The following NPY5R variants were observed in gnomAD, a reference collection of about 807,000 sequenced individuals.
NPY5R encodes neuropeptide Y receptor Y5.
NPY5R carries 21 observed loss-of-function variants against 24.8 expected under a neutral mutation model. That is an observed-to-expected ratio of 0.85 (90% CI 0.60 to 1.22). The LOEUF (loss-of-function observed/expected upper bound fraction) is 1.22, where lower values mean the gene tolerates loss of function less well. Among genes scored for constraint, NPY5R ranks in the 50% most tolerant of loss-of-function variants. The probability of loss-of-function intolerance (pLI) is 0.00; values close to 1 mark genes in which losing one functional copy is unlikely to be tolerated. For missense variants in NPY5R, 481 were observed against 521.3 expected (o/e 0.92, Z 0.75); for synonymous variants, 175 against 183.0 (o/e 0.96, Z 0.35).
Position 163,345,998 on chromosome 4 carries a change from C to T in NPY5R, c.-81+245C>T, listed in dbSNP as rs186831923. On this transcript the variant is annotated intron_variant, in intron 2 of 3. Coordinates refer to ENST00000338566, the MANE Select transcript of NPY5R (RefSeq NM_006174.4). ...TAGTCGTAAGAAGAAATTCTTCCTT[C>T]ATTGGAGCAAAGATTCACAGAATGT... is the stretch of plus-strand genomic sequence containing the variant. 5.0e-3 allele frequency among the ~76,000 whole-genome samples: 660 copies of T among 133,126 alleles called. 2 individuals are homozygous for T. The highest frequency in any genetic ancestry group is 0.014 in the Middle Eastern group (3 of 214). 87.3% of individuals were successfully genotyped at this position (133,126 alleles called of 152,430 possible).
chr4:163,345,829 A>G (rs991527858), intron 2 of NPY5R, 76 bp downstream of exon 2: 5 of 152,134 alleles, frequency 3.3e-5, no homozygotes, highest in Middle Eastern at 3.4e-3. Flanking sequence ...TTAGATTTTC[A>G]ACTTAAATCT....
At chr4:163,349,253 T>G in intron 3 of NPY5R, 1 of 588,142 alleles carries the variant, frequency 1.7e-6, no homozygotes, top group Non-Finnish European at 2.1e-6. Flanking sequence ...TAGAGTTTTG[T>G]TTGAACGTTT....
downstream of NPY5R, among the ~76,000 whole-genome samples, chr4:163,352,142 C>T (rs755818244): frequency 9.9e-5 from 15 of 152,110 alleles, no homozygotes; most frequent in Non-Finnish European, 1.8e-4. Flanking sequence ...TGATTATAAT[C>T]TTCAACATTA....
chr4:163,345,355 T>C (rs1735187497), intron 1 of NPY5R: 1 of 152,188 alleles, frequency 6.6e-6, no homozygotes, highest in Non-Finnish European at 1.5e-5. Context: ...TAAAAAGATA[T>C]TATTTTTTAT....
chr4:163,351,051 C>T lies in NPY5R; in HGVS notation c.778C>T (p.His260Tyr). The T allele has an allele frequency of 6.2e-7, 1 of 1,613,952 alleles. No individual in the cohort carries two copies. Among genetic ancestry groups the T allele is most frequent in the Non-Finnish European group, 8.5e-7 (1 of 1,179,814 alleles). Residue 260 changes from histidine to tyrosine, a missense_variant, in exon 4 of 4, where the codon CAT becomes TAT. By Grantham distance (83) the His-to-Tyr change is moderately conservative (BLOSUM62 2). Coordinates refer to ENST00000338566, the MANE Select transcript of NPY5R (RefSeq NM_006174.4). ...EENEMINLTL[H>Y]PSKKSGPQVK... The stretch of plus-strand genomic sequence containing the variant: ...AAATGAGATGATCAACTTAACTCTT[C>T]ATCCATCCAAAAAGAGTGGGCCTCA...
intron 2 of NPY5R, among the ~76,000 whole-genome samples, chr4:163,346,979 C>A (rs943754840): frequency 6.6e-6 from 1 of 151,996 alleles, no homozygotes; most frequent in Admixed American, 6.6e-5. Flanking sequence ...CAATGGTTCT[C>A]TATAAATGTA....
At chr4:163,349,001 G>A (rs984742762) in intron 3 of NPY5R, among the ~76,000 whole-genome samples, 2 of 135,776 alleles carry the variant, frequency 1.5e-5, no homozygotes, top group South Asian at 2.6e-4. Flanking sequence ...TTTTTAAAAC[G>A]CCAACAGCCT....
chr4:163,344,005 G>A lies in NPY5R; in HGVS notation c.-121+5G>A, dbSNP rs1735092300. On this transcript the variant is annotated splice_donor_5th_base_variant and intron_variant, in intron 1 of 3. Transcript: ENST00000338566. ...CAGCGGCCGGGGCGCCCCGAGGTAC[G>A]GGCTCCCGCCCCTCCCTGCCAACCC... is the stretch of plus-strand genomic sequence containing the variant. 1 of 152,614 alleles carries A rather than the reference G, an allele frequency of 6.6e-6. No homozygotes were observed. Among genetic ancestry groups the A allele is most frequent in the African/African-American group, 2.4e-5 (1 of 41,562 alleles). The allele number at this position is 152,614 out of a possible 1,614,324, so 9.5% of individuals were successfully genotyped here.
In NPY5R at chr4:163,350,262, C is replaced by A; in HGVS notation, c.-9-3C>A. ...CTGACAAATGTCTTTTTATTCCAAG[C>A]AGGACTATAATATGGATTTAGAGCT... is the stretch of plus-strand genomic sequence containing the variant. On this transcript the variant is annotated splice_polypyrimidine_tract_variant and splice_region_variant and intron_variant, in intron 3 of 3. Coordinates refer to ENST00000338566, the MANE Select transcript of NPY5R (RefSeq NM_006174.4). The A allele has an allele frequency of 6.6e-7, 1 of 1,519,792 alleles. No homozygotes were observed. The allele number at this position is 1,519,792 out of a possible 1,614,324, so 94.1% of individuals were successfully genotyped here. A position where few individuals can be genotyped will look rare whatever the true frequency, so the allele number is the denominator to read the frequency against.
chr4:163,344,688 AT>A (rs1223759176), intron 1 of NPY5R: 1 of 152,252 alleles, frequency 6.6e-6, no homozygotes, highest in Non-Finnish European at 1.5e-5. Context: ...AGAAACGGGA[AT>A]TCTTTTTTCC....
At chr4:163,350,101 CTCAA>C (rs1165374369) in intron 3 of NPY5R, 160 bp from the exon 4 acceptor site, 1 of 286,976 alleles carries the variant, frequency 3.5e-6, no homozygotes, top group African/African-American at 6.9e-5. Flanking sequence ...GAGACTCCGT[CTCAA>C]AAAAAAAAAA....
At chr4:163,344,082 G>T (rs1025430081) in intron 1 of NPY5R, 82 bp downstream of exon 1, 2 of 152,414 alleles carry the variant, frequency 1.3e-5, no homozygotes. Context: ...TCCCCGCGCG[G>T]GCTGCGAGTC....
intron 1 of NPY5R, chr4:163,345,204 T>C (rs895297844): frequency 1.3e-5 from 2 of 152,222 alleles, no homozygotes; most frequent in Non-Finnish European, 2.9e-5. Flanking sequence ...AGACTTTTAA[T>C]ATCCTTTGAA....
Position 163,350,301 on chromosome 4 carries a change from A to C in NPY5R, c.28A>C (p.Asn10His). MDLELDEYYNKTLATENNTA... is the reference protein window; with the variant it reads MDLELDEYYHKTLATENNTA... Reference sequence around the variant, plus strand: ...GGATTTAGAGCTCGACGAGTATTATAACAAGACACTTGCCACAGAGAATAA... The same window carrying C: ...GGATTTAGAGCTCGACGAGTATTATCACAAGACACTTGCCACAGAGAATAA... Residue 10 changes from asparagine (N) to histidine (H), a missense_variant, in exon 4 of 4, where the codon AAC becomes CAC. Asn to His is a moderately conservative substitution (Grantham distance 68). Coordinates refer to ENST00000338566, the MANE Select transcript of NPY5R (RefSeq NM_006174.4). 1.3e-6 allele frequency: 2 copies of C among 1,589,602 alleles called. No homozygotes were observed. The highest frequency in any genetic ancestry group is 1.7e-6 in the Non-Finnish European group (2 of 1,165,392).
chr4:163,351,219 T>C lies in NPY5R; in HGVS notation c.946T>C (p.Phe316Leu). The change falls in exon 4 of 4, where the codon TTT becomes CTT. Residue 316 changes from phenylalanine (F) to leucine (L), a missense_variant. Physicochemically the swap from Phe to Leu is conservative, Grantham distance 22 (BLOSUM62 0). Transcript: ENST00000338566. ...ENHSRILPEN[F>L]GSVRSQLSSS... ...CCACTCCAGAATACTTCCAGAAAAC[T>C]TTGGCTCTGTAAGAAGTCAGCTCTC... is the stretch of plus-strand genomic sequence containing the variant. 6.2e-7 allele frequency: 1 copy of C among 1,614,124 alleles called. No individual in the cohort carries two copies. The highest frequency in any genetic ancestry group is 8.5e-7 in the Non-Finnish European group (1 of 1,180,000).
chr4:163,348,039 T>C (rs779020107), intron 3 of NPY5R, among the ~76,000 whole-genome samples: 7 of 152,344 alleles, frequency 4.6e-5, no homozygotes, highest in Non-Finnish European at 1.0e-4. Context: ...TTGTAATGAA[T>C]GTATGTACAC....
Position 163,346,340 on chromosome 4 carries a change from T to C in NPY5R, c.-81+587T>C, listed in dbSNP as rs577330333. On this transcript the variant is annotated intron_variant, in intron 2 of 3. Coordinates refer to ENST00000338566, the MANE Select transcript of NPY5R (RefSeq NM_006174.4). ...TTCATTCATCATCCAATTTGGGGCCTTTTATATCTCAGCAATCTACAGTTA... is the reference window on the plus strand; with the variant it reads ...TTCATTCATCATCCAATTTGGGGCCCTTTATATCTCAGCAATCTACAGTTA... Among the ~76,000 whole-genome samples the C allele has an allele frequency of 7.2e-5, 11 of 152,314 alleles. No individual in the cohort carries two copies. In the South Asian group the frequency reaches 2.3e-3, roughly 32 times the overall value.
chr4:163,345,946 C>T (rs1314334655), intron 2 of NPY5R, among the ~76,000 whole-genome samples, 193 bp downstream of exon 2: 1 of 148,122 alleles, frequency 6.8e-6, no homozygotes, highest in Admixed American at 6.8e-5. Flanking sequence ...CCCCTCCCTG[C>T]CTCCAGCATT....
Position 163,350,449 on chromosome 4 carries a change from A to G in NPY5R, c.176A>G (p.Asn59Ser), listed in dbSNP as rs1300119834. The change falls in exon 4 of 4, where the codon AAT becomes AGT. Residue 59 changes from asparagine (N) to serine (S), a missense_variant. Transcript: ENST00000338566. The stretch of plus-strand genomic sequence containing the variant: ...GTAAGTCTTCTTGGCTTTATGGGGA[A>G]TCTACTTATTTTAATGGCTCTCATG... Reference protein sequence around the residue: ...TFVSLLGFMGNLLILMALMKK... With the variant: ...TFVSLLGFMGSLLILMALMKK... 6.2e-7 allele frequency: 1 copy of G among 1,613,898 alleles called. No homozygotes were observed. The highest frequency in any genetic ancestry group is 1.7e-5 in the Admixed American group (1 of 60,004).
Sources: gnomAD v4.1 joint callset for allele counts (sites outside exome capture counted in the v4.1 genomes callset) on GRCh38, gnomAD v4.1.1 for gene constraint, MANE v1.5 for transcripts, NCBI Gene and HGNC (gene_info 2026-07-23, HGNC 2026-07-21) for gene names.